ST7L: variants seen among roughly 807,000 people sequenced by gnomAD.
ST7L encodes the protein suppression of tumorigenicity 7 like.
ST7L carries 57 observed loss-of-function variants against 72.5 expected under a neutral mutation model. That is an observed-to-expected ratio of 0.79 (90% CI 0.64 to 0.98). The LOEUF is 0.98. ST7L is among the 50% of genes least tolerant of loss of function. The pLI is 0.00. For synonymous variants in ST7L, 221 were observed against 240.9 expected, an observed-to-expected ratio of 0.92 and a Z score of 0.77; for missense variants, 576 against 672.2, an observed-to-expected ratio of 0.86 and a Z score of 1.58.
At chr1:112,580,263 C>T (rs1331382181) in intron 9 of ST7L, among the ~76,000 whole-genome samples, 1 of 152,214 alleles carries the variant, frequency 6.6e-6, no homozygotes, top group Non-Finnish European at 1.5e-5. Context: ...ATCCTCACAC[C>T]TCAGCTTCCC....
downstream of ST7L, chr1:112,520,613 C>A (rs1031171007): frequency 8.4e-7 from 1 of 1,191,770 alleles, no homozygotes; most frequent in Non-Finnish European, 1.2e-6. Flanking sequence ...GGGCTGCTAC[C>A]GCTTCTATTT....
chr1:112,615,049 G>C (rs1405712803), intron 2 of ST7L, among the ~76,000 whole-genome samples: 2 of 152,022 alleles, frequency 1.3e-5, no homozygotes, highest in African/African-American at 2.4e-5. Flanking sequence ...ACTCAGGTTA[G>C]AGTGCAGTGG....
At position 112,600,813 on chromosome 1, in the gene ST7L, T is replaced by C; in HGVS notation, c.487A>G (p.Arg163Gly). 1 of 1,610,928 alleles carries C rather than the reference T, an allele frequency of 6.2e-7. No homozygotes were observed. Among genetic ancestry groups the C allele is most frequent in the Non-Finnish European group, 8.5e-7 (1 of 1,178,272 alleles). Residue 163 changes from arginine (R) to glycine (G), a missense_variant, in exon 4 of 15, where the codon AGA becomes GGA. Arg to Gly is a moderately radical substitution (Grantham distance 125). Around this residue, in one of 3 missense-constraint regions of ST7L, gnomAD observed 511 missense variants for 600.7 expected, o/e 0.85. Coordinates refer to ENST00000358039, the MANE Select transcript of ST7L (RefSeq NM_017744.5). ...TAATACCTCCTATATTCTGCTCCTC[T>C]GAAAAGATTTAGAGGGTTTCTCCAT... ...KVWRNPLNLF[R>G]GAEYRRYTWV...
At chr1:112,564,440 G>A (rs578177609) in intron 11 of ST7L, among the ~76,000 whole-genome samples, 2 of 152,232 alleles carry the variant, frequency 1.3e-5, no homozygotes, top group South Asian at 2.1e-4. Flanking sequence ...TATGCCACTC[G>A]GAATGTCAAC....
chr1:112,556,005 A>G lies in ST7L; in HGVS notation c.1259T>C (p.Met420Thr). ...TTCTGGAGGTAAAATTAAACTTTTCATCTCTAATAAATACTGAAAGAGTAA... is the reference window on the plus strand; with the variant it reads ...TTCTGGAGGTAAAATTAAACTTTTCGTCTCTAATAAATACTGAAAGAGTAA... ...NPHVPKYLLE[M>T]KSLILPPEHI... is the part of the protein sequence containing the mutation. Residue 420 changes from methionine to threonine, a missense_variant, in exon 12 of 15, where the codon ATG becomes ACG. Physicochemically the swap from Met to Thr is moderately conservative, Grantham distance 81. Transcript: ENST00000358039. The G allele has an allele frequency of 1.2e-6, 2 of 1,602,248 alleles. No individual in the cohort carries two copies. The highest frequency in any genetic ancestry group is 1.7e-6 in the Non-Finnish European group (2 of 1,173,976).
intron 13 of ST7L, among the ~76,000 whole-genome samples, chr1:112,542,555 G>C (rs545260275): frequency 6.6e-6 from 1 of 151,936 alleles, no homozygotes; most frequent in East Asian, 1.9e-4. Context: ...CCAGGCATGC[G>C]ACACTAACCT....
At chr1:112,548,727 T>A (rs145712674) in intron 13 of ST7L, among the ~76,000 whole-genome samples, 2 of 152,108 alleles carry the variant, frequency 1.3e-5, no homozygotes, top group African/African-American at 4.8e-5. Context: ...CTCAGCTAAA[T>A]CATAAAAAGA....
At chr1:112,537,394 C>T (rs1655392934) in intron 14 of ST7L, among the ~76,000 whole-genome samples, 1 of 152,152 alleles carries the variant, frequency 6.6e-6, no homozygotes, top group Non-Finnish European at 1.5e-5. Context: ...TAGTGAAACC[C>T]CCAAGACCAT....
At chr1:112,599,021 C>T (rs966644734) in intron 4 of ST7L, among the ~76,000 whole-genome samples, 50 of 137,978 alleles carry the variant, frequency 3.6e-4, no homozygotes, top group African/African-American at 1.4e-3. Context: ...GATCATACAA[C>T]TGCACTCCAG....
chr1:112,561,966 T>A lies in ST7L; in HGVS notation c.1246-5948A>T, dbSNP rs542387639. Among the ~76,000 whole-genome samples the A allele has an allele frequency of 1.9e-4, 28 of 146,464 alleles. No homozygotes were observed. The East Asian group carries it at 6.2e-3, about 32-fold the overall frequency. Reference sequence around the variant, plus strand: ...TGAAGAAATGATGCTTCTAAAACTTTACTTTTTTTTTTTTTTTTGAGACAG... The same window carrying A: ...TGAAGAAATGATGCTTCTAAAACTTAACTTTTTTTTTTTTTTTTGAGACAG... On this transcript the variant is annotated intron_variant, in intron 11 of 14. Transcript: ENST00000358039.
intron 14 of ST7L, among the ~76,000 whole-genome samples, chr1:112,532,951 G>C (rs1208420491): frequency 1.3e-5 from 2 of 152,058 alleles, no homozygotes; most frequent in Non-Finnish European, 2.9e-5. Context: ...AAAAGTTATA[G>C]GTTATGATAT....
chr1:112,536,044 A>G (rs1007570449), intron 14 of ST7L, among the ~76,000 whole-genome samples: 1 of 152,316 alleles, frequency 6.6e-6, no homozygotes, highest in African/African-American at 2.4e-5. Context: ...CCTGTCACAC[A>G]ATAGGTTTAT....
intron 2 of ST7L, among the ~76,000 whole-genome samples, chr1:112,612,551 T>C (rs1259238924): frequency 1.3e-5 from 2 of 152,270 alleles, no homozygotes; most frequent in East Asian, 1.9e-4. Flanking sequence ...TATAGTCATG[T>C]TGGGGCCCGC....
At chr1:112,617,794 T>C (rs1021436071) in intron 1 of ST7L, among the ~76,000 whole-genome samples, 10 of 151,880 alleles carry the variant, frequency 6.6e-5, no homozygotes, top group Non-Finnish European at 1.0e-4. Flanking sequence ...AATCAACTAT[T>C]CTCATCTAAA....
intron 11 of ST7L, among the ~76,000 whole-genome samples, chr1:112,558,131 G>A (rs1286037322): frequency 2.6e-5 from 4 of 152,204 alleles, no homozygotes; most frequent in Non-Finnish European, 5.9e-5. Context: ...TCTAGAATAG[G>A]TTTGAAATTA....
At chr1:112,587,087 C>T (rs1452407888) in intron 6 of ST7L, among the ~76,000 whole-genome samples, 1 of 152,142 alleles carries the variant, frequency 6.6e-6, no homozygotes, top group African/African-American at 2.4e-5. Context: ...GAGACCACTG[C>T]TAAATTCAAG....
intron 11 of ST7L, among the ~76,000 whole-genome samples, chr1:112,569,554 T>C (rs1268976682): frequency 3.9e-5 from 6 of 152,248 alleles, no homozygotes; most frequent in Admixed American, 3.3e-4. Context: ...CAGGTACTTC[T>C]TTCCAGAATT....
intron 5 of ST7L, among the ~76,000 whole-genome samples, chr1:112,595,397 A>G (rs12741057): frequency 6.8e-6 from 1 of 146,046 alleles, no homozygotes; most frequent in African/African-American, 2.5e-5. Flanking sequence ...AAAAAAAAAA[A>G]GAGCATTTGT....
At chr1:112,602,917 G>A (rs560627866) in intron 3 of ST7L, among the ~76,000 whole-genome samples, 2 of 151,566 alleles carry the variant, frequency 1.3e-5, no homozygotes, top group East Asian at 3.9e-4. Context: ...ACGGGGTTTC[G>A]CCATCTTAGC....
Sources: gnomAD v4.1 joint callset for allele counts (sites outside exome capture counted in the v4.1 genomes callset) on GRCh38, gnomAD v4.1.1 for gene constraint, gnomAD v4.1.1 regional missense constraint, MANE v1.5 for transcripts, NCBI Gene and HGNC (gene_info 2026-07-23, HGNC 2026-07-21) for gene names.